Variants in LEPR observed in about 807,000 individuals in gnomAD.
LEPR encodes OB receptor.
In LEPR, 56 loss-of-function variants were observed where a neutral mutation model predicts 114.7. The observed-to-expected ratio is 0.49, with a 90% confidence interval of 0.39 to 0.61. LEPR has a LOEUF of 0.61. Among genes scored for constraint, LEPR ranks in the 20% least tolerant of loss-of-function variants. The pLI is 0.00. For missense variants in LEPR, 1,202 were observed against 1,352.9 expected, an observed-to-expected ratio of 0.89 and a Z score of 1.75; for synonymous variants, 443 against 461.4, an observed-to-expected ratio of 0.96 and a Z score of 0.51.
chr1:65,471,432 C>G lies in LEPR; in HGVS notation c.-21+46054C>G, dbSNP rs370831588. Among the ~76,000 whole-genome samples, 5 of 152,252 alleles carry G rather than the reference C, an allele frequency of 3.3e-5. 1 individual carries two copies. ...CATGTTGAGATAATTTGTACTTTCC[C>G]AAAACATTATCTTGATAACATTATA... On this transcript the variant is annotated intron_variant, in intron 2 of 19. Coordinates refer to ENST00000349533, the MANE Select transcript of LEPR (RefSeq NM_002303.6).
chr1:65,448,679 T>C (rs1346001449), intron 2 of LEPR, among the ~76,000 whole-genome samples: 1 of 152,230 alleles, frequency 6.6e-6, no homozygotes, highest in Non-Finnish European at 1.5e-5. Flanking sequence ...GGTTATTATT[T>C]ATTAATTCAA....
rs1009232216 is a variant in LEPR, at chr1:65,476,759, A to G, written c.-21+51381A>G. Among the ~76,000 whole-genome samples, 9 of 152,302 alleles carry G rather than the reference A, an allele frequency of 5.9e-5. No individual in the cohort carries two copies. The East Asian group carries it at 1.3e-3, about 23-fold the overall frequency. ...GATATTTACATATAATTCTTCAGTAACCCAATTGAGGGGAATTGCAGGGCA... is the reference window on the plus strand; with the variant it reads ...GATATTTACATATAATTCTTCAGTAGCCCAATTGAGGGGAATTGCAGGGCA... On this transcript the variant is annotated intron_variant, in intron 2 of 19. Transcript: ENST00000349533.
Position 65,435,313 on chromosome 1 carries a change from T to A in LEPR, c.-21+9935T>A, listed in dbSNP as rs899283707. On this transcript the variant is annotated intron_variant, in intron 2 of 19. Transcript: ENST00000349533. ...TAGTTCATTATGTTAATAACCTTCT[T>A]TATGTTCTCAGGGAAATGCTTAGGT... 12 of 985,168 alleles carry A rather than the reference T, an allele frequency of 1.2e-5. No individual in the cohort carries two copies. In the African/African-American group the frequency reaches 2.1e-4, roughly 17 times the overall value. The allele number at this position is 985,168 out of a possible 1,614,324, so 61.0% of individuals were successfully genotyped here.
chr1:65,619,469 T>C (rs986013244), intron 16 of LEPR, among the ~76,000 whole-genome samples: 10 of 152,286 alleles, frequency 6.6e-5, no homozygotes, highest in Middle Eastern at 6.8e-3. Context: ...TTTGTTTGCA[T>C]AGGATTTCAC....
Position 65,438,577 on chromosome 1 carries a change from G to T in LEPR, c.-21+13199G>T, listed in dbSNP as rs1294477203. Among the ~76,000 whole-genome samples the T allele has an allele frequency of 1.4e-5, 2 of 145,402 alleles. 1 individual carries two copies. Among genetic ancestry groups the T allele is most frequent in the Middle Eastern group, 7.2e-3 (2 of 276 alleles). On this transcript the variant is annotated intron_variant, in intron 2 of 19. Transcript: ENST00000349533. ...AAAAAAAAAAAAAAAAAAAAAGACAGTTGAGCTAGAGAGTAAATAAAGTGG... is the reference window on the plus strand; with the variant it reads ...AAAAAAAAAAAAAAAAAAAAAGACATTTGAGCTAGAGAGTAAATAAAGTGG...
At chr1:65,515,744 C>CT (rs1224961812) in intron 2 of LEPR, among the ~76,000 whole-genome samples, 2 of 152,166 alleles carry the variant, frequency 1.3e-5, no homozygotes, top group Non-Finnish European at 2.9e-5. Context: ...TATGAGTAGA[C>CT]TATCGTATTG....
At chr1:65,518,899 T>TTCTTTCTTTCTTTCTTTCTTTCTTTC (rs1649450946) in intron 2 of LEPR, among the ~76,000 whole-genome samples, 1 of 99,074 alleles carries the variant, frequency 1.0e-5, no homozygotes, top group African/African-American at 3.6e-5. Flanking sequence ...CTTTCTTTCT[T>TTCTTTCTTTCTTTCTTTCTTTCTTTC]TCTTTCTTTC....
intron 1 of LEPR, among the ~76,000 whole-genome samples, chr1:65,424,521 A>G (rs901604542): frequency 6.7e-6 from 1 of 148,786 alleles, no homozygotes; most frequent in African/African-American, 2.5e-5. Context: ...AGGTACTGGA[A>G]TTACTTGAGA....
At chr1:65,571,326 C>T (rs906257565) in intron 4 of LEPR, among the ~76,000 whole-genome samples, 1 of 151,364 alleles carries the variant, frequency 6.6e-6, no homozygotes, top group Non-Finnish European at 1.5e-5. Flanking sequence ...GCACATGTAC[C>T]CCTGAACTAA....
intron 2 of LEPR, among the ~76,000 whole-genome samples, chr1:65,431,437 A>G (rs1646482909): frequency 6.6e-6 from 1 of 152,238 alleles, no homozygotes; most frequent in Non-Finnish European, 1.5e-5. Flanking sequence ...TTATAACTCT[A>G]CAATTTTTAT....
At chr1:65,574,812 G>C (rs1275867426) in intron 5 of LEPR, among the ~76,000 whole-genome samples, 3 of 152,156 alleles carry the variant, frequency 2.0e-5, no homozygotes, top group Non-Finnish European at 4.4e-5. Context: ...AGTAGTCAAC[G>C]GTCAGATATA....
chr1:65,499,027 G>A (rs1384752386), intron 2 of LEPR, among the ~76,000 whole-genome samples: 1 of 152,048 alleles, frequency 6.6e-6, no homozygotes, highest in African/African-American at 2.4e-5. Context: ...CCATCAGCGA[G>A]TCTCTGACAG....
At chr1:65,616,258 T>C in intron 15 of LEPR, 34 bp downstream of exon 15, 1 of 1,597,072 alleles carries the variant, frequency 6.3e-7, no homozygotes, top group Non-Finnish European at 8.6e-7. Context: ...ATCCATTGCC[T>C]CTTTTAATAT....
chr1:65,443,041 T>G (rs1646669424), intron 2 of LEPR, among the ~76,000 whole-genome samples: 1 of 152,226 alleles, frequency 6.6e-6, no homozygotes, highest in African/African-American at 2.4e-5. Context: ...TTGGCTGATA[T>G]GCCAACTCTT....
At chr1:65,518,861 TTC>T (rs1491576184) in intron 2 of LEPR, among the ~76,000 whole-genome samples, 3,039 of 143,958 alleles carry the variant, frequency 0.021, 61 homozygotes, top group Non-Finnish European at 0.032. Context: ...TCTCTTTTCT[TTC>T]TTTCTTTCTT....
At chr1:65,551,034 G>T (rs2100718121) in intron 2 of LEPR, among the ~76,000 whole-genome samples, 1 of 152,236 alleles carries the variant, frequency 6.6e-6, no homozygotes, top group South Asian at 2.1e-4. Flanking sequence ...ATTTGTGTAT[G>T]TTGAAGCAGC....
rs538087590 is a variant in LEPR at position 65,614,642 on chromosome 1, C to G, written c.1996-1366C>G. ...TGGATGGTGGGACCCAGATTTCTCA[C>G]TGTTGGATTGGGAGGTTACACACAA... On this transcript the variant is annotated intron_variant, in intron 14 of 19. Coordinates refer to ENST00000349533, the MANE Select transcript of LEPR (RefSeq NM_002303.6). Among the ~76,000 whole-genome samples, 3 of 152,264 alleles carry G rather than the reference C, an allele frequency of 2.0e-5. No individual in the cohort carries two copies. In the East Asian group the frequency reaches 5.8e-4, roughly 29 times the overall value.
intron 2 of LEPR, among the ~76,000 whole-genome samples, chr1:65,471,775 AGT>A (rs1446392810): frequency 2.6e-5 from 4 of 152,226 alleles, no homozygotes; most frequent in African/African-American, 9.6e-5. Context: ...AGCTAGGGGA[AGT>A]GATTTACAGG....
At position 65,616,401 on chromosome 1, in the gene LEPR, A is replaced by G. The variant is rs1938485; in HGVS notation, c.2212+177A>G. ...ACAAAGTACATTGTACAATGATCAC[A>G]TAATACAGTCCTTGAGCTTTCATTT... On this transcript the variant is annotated intron_variant, in intron 15 of 19. Transcript: ENST00000349533. 0.46 allele frequency among the ~76,000 whole-genome samples: 70,341 copies of G among 151,998 alleles called. 17,181 individuals carry two copies. Among genetic ancestry groups the G allele is most frequent in the East Asian group, 0.87 (4,496 of 5,172 alleles).
Sources: gnomAD v4.1 joint callset for allele counts (sites outside exome capture counted in the v4.1 genomes callset) on GRCh38, gnomAD v4.1.1 for gene constraint, MANE v1.5 for transcripts, NCBI Gene and HGNC (gene_info 2026-07-23, HGNC 2026-07-21) for gene names.